Variants in CTBP1 observed in about 807,000 individuals in gnomAD.
The protein encoded by CTBP1 is C-terminal binding protein 1, also known as C-terminal-binding protein 1.
A neutral mutation model predicts 42.1 loss-of-function variants in CTBP1; 11 were observed. The ratio of observed to expected loss-of-function variants is 0.26; its 90% CI spans 0.16 to 0.43. CTBP1 has a LOEUF of 0.43. Among genes scored for constraint, CTBP1 ranks in the 20% least tolerant of loss-of-function variants. The pLI is 1.00. For missense variants in CTBP1, 399 were observed against 624.3 expected, an observed-to-expected ratio of 0.64 and a Z score of 3.85; for synonymous variants, 324 against 277.1, an observed-to-expected ratio of 1.17 and a Z score of -1.68.
intron 1 of CTBP1, chr4:1,248,559 G>T: frequency 4.3e-6 from 2 of 466,756 alleles, no homozygotes; most frequent in Non-Finnish European, 5.6e-6. Context: ...AGCGGCCGGG[G>T]ATCGGGACCC....
chr4:1,236,263 A>C, intron 3 of CTBP1: 2 of 223,750 alleles, frequency 8.9e-6, no homozygotes, highest in Non-Finnish European at 1.8e-5. Context: ...ATCCCTGGCT[A>C]CAAGTAGAAG....
chr4:1,245,324 T>C (rs1732605790), intron 1 of CTBP1: 2 of 985,334 alleles, frequency 2.0e-6, no homozygotes, highest in African/African-American at 1.7e-5. Flanking sequence ...TTTCCCTGTT[T>C]GTTCAGCGAG....
rs1399051711 is a variant in CTBP1 at position 1,213,001 on chromosome 4, C to T, written c.1018G>A (p.Val340Ile). 11 of 1,613,824 alleles carry T rather than the reference C, an allele frequency of 6.8e-6. No individual in the cohort carries two copies. Among genetic ancestry groups the T allele is most frequent in the Non-Finnish European group, 8.5e-6 (10 of 1,180,006 alleles). ...GRIPDSLKNC[V>I]NKDHLTAATH... is the part of the protein sequence containing the mutation. Reference sequence around the variant, plus strand: ...GCGGCTGTCAGATGGTCCTTGTTGACACAGTTCTTCAGGCTGTCTGGGATC... The same window carrying T: ...GCGGCTGTCAGATGGTCCTTGTTGATACAGTTCTTCAGGCTGTCTGGGATC... The change falls in exon 9 of 10, where the codon GTC becomes ATC. Residue 340 changes from valine (V) to isoleucine (I), a missense_variant. Physicochemically the swap from Val to Ile is conservative, Grantham distance 29. This residue lies in a region of CTBP1 where 309 missense variants were observed against 497.5 expected (regional missense o/e 0.62). Transcript: ENST00000382952.
At position 1,211,865 on chromosome 4, in the gene CTBP1, C is replaced by CAAAAAAAAAAAA. The variant is rs1234269129; in HGVS notation, c.*363_*374dup. 3 of 112,120 alleles carry CAAAAAAAAAAAA rather than the reference C, an allele frequency of 2.7e-5. No individual in the cohort carries two copies. Among genetic ancestry groups the CAAAAAAAAAAAA allele is most frequent in the African/African-American group, 3.6e-5 (1 of 27,468 alleles). 6.9% of individuals were successfully genotyped at this position (112,120 alleles called of 1,614,324 possible). On this transcript the variant is annotated 3_prime_UTR_variant, in exon 10 of 10. Transcript: ENST00000382952. Reference sequence around the variant, plus strand: ...TCATTCTGGGGCACGTTCCAACATACAAAAAAAAAAAAAACAAAAAAAAAA... The same window carrying CAAAAAAAAAAAA: ...TCATTCTGGGGCACGTTCCAACATACAAAAAAAAAAAAAAAAAAAAAAAAAACAAAAAAAAAA...
At chr4:1,241,042 G>C (rs1732124016) in intron 2 of CTBP1, among the ~76,000 whole-genome samples, 1 of 152,186 alleles carries the variant, frequency 6.6e-6, no homozygotes, top group African/African-American at 2.4e-5. Flanking sequence ...CCTCCACATG[G>C]AGGCCCTCCG....
chr4:1,241,051 C>T lies in CTBP1; in HGVS notation c.7+274G>A, dbSNP rs148157679. On this transcript the variant is annotated intron_variant, in intron 2 of 9. Coordinates refer to ENST00000382952, the MANE Select transcript of CTBP1 (RefSeq NM_001012614.2). ...TGGCGGCCTCCACATGGAGGCCCTC[C>T]GTGCCTCTCAGACACTTTCCGACAG... is the stretch of plus-strand genomic sequence containing the variant. Among the ~76,000 whole-genome samples the T allele has an allele frequency of 6.3e-3, 965 of 152,290 alleles. 7 individuals carry two copies. The highest frequency in any genetic ancestry group is 0.021 in the Middle Eastern group (6 of 292).
At chr4:1,244,532 G>GTCCGC in intron 1 of CTBP1, 1 of 985,042 alleles carries the variant, frequency 1.0e-6, no homozygotes, top group African/African-American at 1.7e-5. Context: ...GGGCCAACCG[G>GTCCGC]TCCGCTCCCC....
In CTBP1 at chr4:1,228,249, C is replaced by T. The variant is rs780023021; in HGVS notation, c.257G>A (p.Arg86Gln). 8 of 1,614,194 alleles carry T rather than the reference C, an allele frequency of 5.0e-6. No individual in the cohort carries two copies. The highest frequency in any genetic ancestry group is 1.3e-5 in the African/African-American group (1 of 75,054). ...GATGTTGTCAAAACCACTGCCAATCCGGACGATGATGCGGAGGGCTTTGAA... is the reference window on the plus strand; with the variant it reads ...GATGTTGTCAAAACCACTGCCAATCTGGACGATGATGCGGAGGGCTTTGAA... ...EKFKALRIIVRIGSGFDNIDI... is the reference protein window; with the variant it reads ...EKFKALRIIVQIGSGFDNIDI... Residue 86 changes from arginine to glutamine, a missense_variant, in exon 4 of 10, where the codon CGG (arginine) becomes CAG (glutamine). By Grantham distance (43) the Arg-to-Gln change is conservative. This residue lies in a region of CTBP1 where 309 missense variants were observed against 497.5 expected (regional missense o/e 0.62). Coordinates refer to ENST00000382952, the MANE Select transcript of CTBP1 (RefSeq NM_001012614.2).
At chr4:1,214,820 C>T (rs986220543) in intron 6 of CTBP1, among the ~76,000 whole-genome samples, 3 of 152,246 alleles carry the variant, frequency 2.0e-5, no homozygotes, top group African/African-American at 4.8e-5. Context: ...GCCTCCCCCA[C>T]GCAGGGCCTC....
intron 5 of CTBP1, 88 bp downstream of exon 5, chr4:1,225,272 G>A (rs1036919546): frequency 4.8e-5 from 69 of 1,432,906 alleles, no homozygotes; most frequent in South Asian, 1.6e-4. Flanking sequence ...GCCCCACCCC[G>A]CCCCGGGCCT....
In CTBP1 at chr4:1,241,414, G is replaced by A. The variant is rs377670192; in HGVS notation, c.-83C>T. ...CTTCAGGATCCCCAGGCAGAACCGC[G>A]TCCTGTCTCGGAGCCTCATCCCACG... On this transcript the variant is annotated 5_prime_UTR_variant, in exon 2 of 10. It adds an upstream start codon to the 5' untranslated region. Transcript: ENST00000382952. The A allele has an allele frequency of 2.5e-5, 34 of 1,370,740 alleles. No individual in the cohort carries two copies. Among genetic ancestry groups the A allele is most frequent in the Middle Eastern group, 1.8e-4 (1 of 5,640 alleles). 84.9% of individuals were successfully genotyped at this position (1,370,740 alleles called of 1,614,324 possible). A position where few individuals can be genotyped will look rare whatever the true frequency, so the allele number is the denominator to read the frequency against.
chr4:1,213,591 G>A lies in CTBP1; in HGVS notation c.875C>T (p.Pro292Leu). Reference sequence around the variant, plus strand: ...GATGAGGTTGGGTGCATCCTTCAGAGGGCCCTGGCTAAAGCTGGGAACAGC... The same window carrying A: ...GATGAGGTTGGGTGCATCCTTCAGAAGGCCCTGGCTAAAGCTGGGAACAGC... Reference protein sequence around the residue: ...ESEPFSFSQGPLKDAPNLICT... With the variant: ...ESEPFSFSQGLLKDAPNLICT... The change falls in exon 8 of 10, where the codon CCT becomes CTT. Residue 292 changes from proline to leucine, a missense_variant. By Grantham distance (98) the Pro-to-Leu change is moderately conservative (BLOSUM62 -3). Around this residue, in one of 4 missense-constraint regions of CTBP1, gnomAD observed 309 missense variants for 497.5 expected, o/e 0.62. Coordinates refer to ENST00000382952, the MANE Select transcript of CTBP1 (RefSeq NM_001012614.2). 3.7e-6 allele frequency: 6 copies of A among 1,613,128 alleles called. No homozygotes were observed. Among genetic ancestry groups the A allele is most frequent in the Non-Finnish European group, 4.2e-6 (5 of 1,179,896 alleles).
chr4:1,222,585 C>T (rs565255196), intron 5 of CTBP1, among the ~76,000 whole-genome samples: 33 of 152,278 alleles, frequency 2.2e-4, no homozygotes, highest in Admixed American at 3.3e-4. Flanking sequence ...CACCTGCAGT[C>T]CCCACCCACA....
rs1028546796 is a variant in CTBP1 at position 1,212,999 on chromosome 4, G to C, written c.1020C>G (p.Val340=). The change falls in exon 9 of 10, where the codon GTC becomes GTG. Residue 340 remains valine, a synonymous_variant. Transcript: ENST00000382952. ...GRIPDSLKNC[V]NKDHLTAATH... is the part of the protein sequence containing the mutation. ...TGGCGGCTGTCAGATGGTCCTTGTT[G>C]ACACAGTTCTTCAGGCTGTCTGGGA... 1.9e-6 allele frequency: 3 copies of C among 1,613,956 alleles called. No homozygotes were observed.
chr4:1,248,249 G>C (rs1560292568), intron 1 of CTBP1, among the ~76,000 whole-genome samples: 1 of 151,900 alleles, frequency 6.6e-6, no homozygotes, highest in Non-Finnish European at 1.5e-5. Flanking sequence ...CGCTGGGCCG[G>C]TCCGGGACCT....
chr4:1,233,148 G>T lies in CTBP1; in HGVS notation c.163-4805C>A, dbSNP rs143115921. 3 of 152,250 alleles carry T rather than the reference G, an allele frequency of 2.0e-5. No homozygotes were observed. The highest frequency in any genetic ancestry group is 2.0e-4 in the Admixed American group (3 of 15,282). 9.4% of individuals were successfully genotyped at this position (152,250 alleles called of 1,614,324 possible). ...TTGGTCCTAGAAGCGACTGTGACCC[G>T]GTATTAAGGTCAGAGCCCACGGCAG... On this transcript the variant is annotated intron_variant, in intron 3 of 9. Transcript: ENST00000382952. This position sits in a 1 kb window ranked among gnomAD's most constrained non-coding sequence, Gnocchi z 4.6.
chr4:1,221,049 G>A (rs953961610), intron 5 of CTBP1, among the ~76,000 whole-genome samples: 2 of 152,190 alleles, frequency 1.3e-5, no homozygotes, highest in African/African-American at 2.4e-5. Flanking sequence ...TGAGATATTC[G>A]TAAACAAGAA....
At chr4:1,230,704 C>T (rs1045768422) in intron 3 of CTBP1, among the ~76,000 whole-genome samples, 3 of 152,244 alleles carry the variant, frequency 2.0e-5, no homozygotes, top group Admixed American at 6.5e-5. Flanking sequence ...GATTCTGAAC[C>T]GCGGCACGTC....
At chr4:1,244,823 C>A (rs575973766) in intron 1 of CTBP1, 492 of 985,444 alleles carry the variant, frequency 5.0e-4, no homozygotes, top group Non-Finnish European at 5.5e-4. Flanking sequence ...CTCTGGCTGT[C>A]CAGGCCTGGA....
Sources: gnomAD v4.1 joint callset for allele counts (sites outside exome capture counted in the v4.1 genomes callset) on GRCh38, gnomAD v4.1.1 for gene constraint, gnomAD v4.1.1 regional missense constraint, Gnocchi (gnomAD v3.1) non-coding constraint, MANE v1.5 for transcripts, NCBI Gene and HGNC (gene_info 2026-07-23, HGNC 2026-07-21) for gene names.